The following GPHN variants were observed in gnomAD, a reference collection of about 807,000 sequenced individuals.
GPHN encodes gephyrin.
In GPHN, 17 loss-of-function variants were observed where a neutral mutation model predicts 95.5. That is an observed-to-expected ratio of 0.18 (90% CI 0.12 to 0.27). The LOEUF (loss-of-function observed/expected upper bound fraction) is 0.27, where lower values mean the gene tolerates loss of function less well. GPHN is among the 10% of genes least tolerant of loss of function. GPHN has a pLI of 1.00. For missense variants in GPHN, 660 were observed against 978.1 expected (o/e 0.67, Z 4.34); for synonymous variants, 320 against 322.5 (o/e 0.99, Z 0.08).
At chr14:67,473,525 C>A in the GPHN span, 2 of 1,614,028 alleles carry the variant, frequency 1.2e-6, no homozygotes, top group Admixed American at 1.7e-5. This position sits in a 1 kb window ranked among gnomAD's most constrained non-coding sequence, Gnocchi z 6.5. Context: ...GGATGATGAA[C>A]TGCTCCATGA....
chr14:67,182,841 CTTT>C (rs1247844705), downstream of GPHN, among the ~76,000 whole-genome samples: 1 of 120,032 alleles, frequency 8.3e-6, no homozygotes. Context: ...GTTAGTGGGT[CTTT>C]TTTTTTTTTT....
intron 11 of GPHN, among the ~76,000 whole-genome samples, chr14:67,077,473 C>CT (rs1306845846): frequency 2.0e-5 from 3 of 152,140 alleles, no homozygotes; most frequent in African/African-American, 7.2e-5. Context: ...CAAGAAACAT[C>CT]TGTATTATCT....
the GPHN span, among the ~76,000 whole-genome samples, chr14:67,486,668 C>T: frequency 6.6e-6 from 1 of 152,162 alleles, no homozygotes; most frequent in African/African-American, 2.4e-5. Context: ...CCTTGCCTTC[C>T]ACCATGATTG....
the GPHN span, among the ~76,000 whole-genome samples, chr14:67,712,319 T>C: frequency 1.3e-5 from 2 of 152,122 alleles, no homozygotes; most frequent in African/African-American, 4.8e-5. Flanking sequence ...GGTTAAACCA[T>C]GTGATGCTTT....
the GPHN span, among the ~76,000 whole-genome samples, chr14:67,444,687 A>C: frequency 2.8e-3 from 420 of 152,364 alleles, 3 homozygotes; most frequent in African/African-American, 9.7e-3. Flanking sequence ...ATACGTGATT[A>C]GAAGGTGGGA....
chr14:67,312,447 A>G, the GPHN span: 3 of 1,016,734 alleles, frequency 3.0e-6, no homozygotes, highest in South Asian at 8.4e-5. Context: ...ATAATAAAAA[A>G]TTTGTAGCAT....
At chr14:67,212,197 ACTTTGG>A in the GPHN span, among the ~76,000 whole-genome samples, 1 of 152,170 alleles carries the variant, frequency 6.6e-6, no homozygotes, top group Admixed American at 6.5e-5. Context: ...TACATAGAGG[ACTTTGG>A]ACATATTAGT....
At chr14:67,342,181 A>T in the GPHN span, among the ~76,000 whole-genome samples, 1 of 99,580 alleles carries the variant, frequency 1.0e-5, no homozygotes. Context: ...AATGATCAAT[A>T]AAATAAATAA....
At chr14:67,468,914 T>TTG in the GPHN span, among the ~76,000 whole-genome samples, 1 of 150,864 alleles carries the variant, frequency 6.6e-6, no homozygotes, top group African/African-American at 2.4e-5. Flanking sequence ...AATAATAATT[T>TTG]TTTTTAAAAA....
chr14:67,213,300 G>T, the GPHN span, among the ~76,000 whole-genome samples: 1,410 of 140,496 alleles, frequency 0.01, 26 homozygotes, highest in African/African-American at 0.035. Flanking sequence ...ATCTCCTAAG[G>T]CTATCCCTCC....
the GPHN span, among the ~76,000 whole-genome samples, chr14:67,267,378 C>T: frequency 2.0e-5 from 3 of 152,044 alleles, no homozygotes; most frequent in Admixed American, 6.5e-5. Context: ...CCTGCCTCCC[C>T]CTCCCAAGTA....
chr14:67,156,289 A>G (rs1567419804), intron 18 of GPHN, among the ~76,000 whole-genome samples: 1 of 152,134 alleles, frequency 6.6e-6, no homozygotes, highest in South Asian at 2.1e-4. Context: ...TATACAATAA[A>G]TAAAATACAT....
At chr14:66,829,852 G>C (rs557604846) in intron 4 of GPHN, among the ~76,000 whole-genome samples, 8 of 152,110 alleles carry the variant, frequency 5.3e-5, no homozygotes, top group Non-Finnish European at 1.0e-4. Flanking sequence ...ACAGGGGTAA[G>C]CAATGTAGCC....
chr14:67,646,427 G>A, the GPHN span: 72 of 516,678 alleles, frequency 1.4e-4, no homozygotes, highest in South Asian at 2.6e-4. Flanking sequence ...GATTTTATTC[G>A]TCTTGAGAAA....
chr14:66,562,006 A>G (rs1204039816), intron 1 of GPHN, among the ~76,000 whole-genome samples: 5 of 152,068 alleles, frequency 3.3e-5, no homozygotes, highest in African/African-American at 7.2e-5. Flanking sequence ...CATTTGCCCT[A>G]TTCTCTTTCT....
chr14:67,468,774 A>G, the GPHN span, among the ~76,000 whole-genome samples: 2 of 152,132 alleles, frequency 1.3e-5, no homozygotes, highest in Non-Finnish European at 2.9e-5. Context: ...ATGCACCTGT[A>G]ATCCCAGCTA....
the GPHN span, chr14:67,390,605 A>G: frequency 5.9e-6 from 7 of 1,176,946 alleles, no homozygotes; most frequent in Non-Finnish European, 9.0e-6. Context: ...ATGCCAGGAG[A>G]GGAGTGTCTG....
chr14:66,978,381 C>G (rs1433473347), intron 9 of GPHN, among the ~76,000 whole-genome samples: 2 of 152,138 alleles, frequency 1.3e-5, no homozygotes, highest in Non-Finnish European at 2.9e-5. Context: ...GGAGTCAATC[C>G]TCTCAAACCC....
chr14:67,105,773 A>G (rs1054356241), intron 13 of GPHN, among the ~76,000 whole-genome samples: 1 of 151,736 alleles, frequency 6.6e-6, no homozygotes, highest in Non-Finnish European at 1.5e-5. Context: ...CTTTTTTTTT[A>G]AATCCATTCA....
Sources: allele counts gnomAD v4.1 joint callset (sites outside exome capture counted in the v4.1 genomes callset), GRCh38; gene constraint gnomAD v4.1.1; non-coding constraint Gnocchi (gnomAD v3.1); transcripts MANE v1.5; gene names NCBI Gene and HGNC (gene_info 2026-07-23, HGNC 2026-07-21).